The following MGAT2 variants were observed in gnomAD, a reference collection of about 807,000 sequenced individuals.
The protein encoded by MGAT2 is Beta-1,2-N-acetylglucosaminyltransferase II.
A neutral mutation model predicts 33.8 loss-of-function variants in MGAT2; 17 were observed. That is an observed-to-expected ratio of 0.50 (90% CI 0.34 to 0.76). MGAT2 has a LOEUF of 0.76. Ranked by LOEUF, MGAT2 falls within the 30% of genes least tolerant of loss-of-function variation. The pLI is 0.01. For missense variants in MGAT2, 529 were observed against 553.9 expected (o/e 0.96, Z 0.45); for synonymous variants, 248 against 226.7 (o/e 1.09, Z -0.84).
At position 49,622,655 on chromosome 14, in the gene MGAT2, T is replaced by C; in HGVS notation, c.*43T>C. 1 of 1,575,420 alleles carries C rather than the reference T, an allele frequency of 6.3e-7. No individual in the cohort carries two copies. The highest frequency in any genetic ancestry group is 8.6e-7 in the Non-Finnish European group (1 of 1,166,362). ...GCGACAGTCTTCTATTTTTGATATT[T>C]GTCCAAACAGGACATACAATTGAAT... is the stretch of plus-strand genomic sequence containing the variant. On this transcript the variant is annotated 3_prime_UTR_variant, in exon 1 of 1. Coordinates refer to ENST00000305386, the MANE Select transcript of MGAT2 (RefSeq NM_002408.4).
Position 49,620,871 on chromosome 14 carries a change from G to T in MGAT2, c.-398G>T. The T allele has an allele frequency of 1.5e-6, 1 of 687,196 alleles. No individual in the cohort carries two copies. The highest frequency in any genetic ancestry group is 2.6e-6 in the Non-Finnish European group (1 of 377,928). The allele number at this position is 687,196 out of a possible 1,614,324, so 42.6% of individuals were successfully genotyped here. A position where few individuals can be genotyped will look rare whatever the true frequency, so the allele number is the denominator to read the frequency against. ...GCGTCGCTCAGTTCTGGCCGTCTAG[G>T]GCCCCTGTAAGGATGAGAGCGCAGA... is the stretch of plus-strand genomic sequence containing the variant. On this transcript the variant is annotated 5_prime_UTR_variant, in exon 1 of 1. Transcript: ENST00000305386.
At position 49,620,857 on chromosome 14, in the gene MGAT2, T is replaced by G. The variant is rs1435710881; in HGVS notation, c.-412T>G. On this transcript the variant is annotated 5_prime_UTR_variant, in exon 1 of 1. Transcript: ENST00000305386. ...AGTGAGGCGAGGCCGCGTCGCTCAG[T>G]TCTGGCCGTCTAGGGCCCCTGTAAG... 1 of 672,338 alleles carries G rather than the reference T, an allele frequency of 1.5e-6. No individual in the cohort carries two copies. The highest frequency in any genetic ancestry group is 2.7e-6 in the Non-Finnish European group (1 of 370,896). The allele number at this position is 672,338 out of a possible 1,614,324, so 41.6% of individuals were successfully genotyped here. A position where few individuals can be genotyped will look rare whatever the true frequency, so the allele number is the denominator to read the frequency against.
In MGAT2 at chr14:49,622,860, TGA is replaced by T. The variant is rs1203143392; in HGVS notation, c.*253_*254del. ...CTGCTAAAATTGATTATTGTTGATA[TGA>T]GAGAAGAGGGGAAATTTTATTTAAA... On this transcript the variant is annotated 3_prime_UTR_variant, in exon 1 of 1. Coordinates refer to ENST00000305386, the MANE Select transcript of MGAT2 (RefSeq NM_002408.4). 1.5e-5 allele frequency: 5 copies of T among 330,090 alleles called. No individual in the cohort carries two copies. Among genetic ancestry groups the T allele is most frequent in the South Asian group, 1.1e-4 (1 of 8,950 alleles). The allele number at this position is 330,090 out of a possible 1,614,324, so 20.4% of individuals were successfully genotyped here. A position where few individuals can be genotyped will look rare whatever the true frequency, so the allele number is the denominator to read the frequency against.
At position 49,621,754 on chromosome 14, in the gene MGAT2, G is replaced by C; in HGVS notation, c.486G>C (p.Gln162His). ...ACTTCTGGTCGACCGAGATCAATCA[G>C]CTGATCGCCGGGGTGAATTTCTGTC... Reference protein sequence around the residue: ...SHDFWSTEINQLIAGVNFCPV... With the variant: ...SHDFWSTEINHLIAGVNFCPV... Residue 162 changes from glutamine (Q) to histidine (H), a missense_variant, in exon 1 of 1, where the codon CAG (glutamine) becomes CAC (histidine). By Grantham distance (24) the Gln-to-His change is conservative (BLOSUM62 0). This residue lies in a region of MGAT2 where 501 missense variants were observed against 501.1 expected (regional missense o/e 1.00). Coordinates refer to ENST00000305386, the MANE Select transcript of MGAT2 (RefSeq NM_002408.4). This position sits in a 1 kb window ranked among gnomAD's most constrained non-coding sequence, Gnocchi z 4.6. 1.2e-6 allele frequency: 2 copies of C among 1,614,194 alleles called. No individual in the cohort carries two copies. The highest frequency in any genetic ancestry group is 1.7e-6 in the Non-Finnish European group (2 of 1,180,036).
At position 49,622,860 on chromosome 14, in the gene MGAT2, T is replaced by G; in HGVS notation, c.*248T>G. On this transcript the variant is annotated 3_prime_UTR_variant, in exon 1 of 1. Transcript: ENST00000305386. The stretch of plus-strand genomic sequence containing the variant: ...CTGCTAAAATTGATTATTGTTGATA[T>G]GAGAGAAGAGGGGAAATTTTATTTA... 2 of 330,208 alleles carry G rather than the reference T, an allele frequency of 6.1e-6. No individual in the cohort carries two copies. Among genetic ancestry groups the G allele is most frequent in the Non-Finnish European group, 1.1e-5 (2 of 173,934 alleles). 20.5% of individuals were successfully genotyped at this position (330,208 alleles called of 1,614,324 possible).
chr14:49,622,217 C>G lies in MGAT2; in HGVS notation c.949C>G (p.His317Asp). The change falls in exon 1 of 1, where the codon CAC (histidine) becomes GAC (aspartate). Residue 317 changes from histidine to aspartate, a missense_variant. Coordinates refer to ENST00000305386, the MANE Select transcript of MGAT2 (RefSeq NM_002408.4). ...VDVKTWKSTE[H>D]NMGLALTRNA... ...TGTGAAAACTTGGAAATCCACAGAG[C>G]ACAATATGGGTCTAGCCTTGACCCG... The G allele has an allele frequency of 6.2e-7, 1 of 1,614,176 alleles. No individual in the cohort carries two copies. The highest frequency in any genetic ancestry group is 8.5e-7 in the Non-Finnish European group (1 of 1,180,038).
Position 49,622,726 on chromosome 14 carries a change from C to A in MGAT2, c.*114C>A. 2 of 1,082,492 alleles carry A rather than the reference C, an allele frequency of 1.8e-6. No homozygotes were observed. Among genetic ancestry groups the A allele is most frequent in the African/African-American group, 1.6e-5 (1 of 62,686 alleles). 67.1% of individuals were successfully genotyped at this position (1,082,492 alleles called of 1,614,324 possible). On this transcript the variant is annotated 3_prime_UTR_variant, in exon 1 of 1. Transcript: ENST00000305386. ...TTCTGCTTTAATACAAAAACAAAAT[C>A]TTGTAAAAGGTGTCCAAATACATAG...
In MGAT2 at chr14:49,621,113, AC is replaced by A; in HGVS notation, c.-151del. 3 of 1,087,336 alleles carry A rather than the reference AC, an allele frequency of 2.8e-6. No individual in the cohort carries two copies. The highest frequency in any genetic ancestry group is 1.6e-5 in the African/African-American group (1 of 63,794). The allele number at this position is 1,087,336 out of a possible 1,614,324, so 67.4% of individuals were successfully genotyped here. ...TAAATGAGAGGTCTCGGGCCCCAGG[AC>A]CCCCGGGGCCCGGGATGAGTTAGCG... On this transcript the variant is annotated 5_prime_UTR_variant, in exon 1 of 1. The change abolishes the stop of an existing upstream ORF in the 5' untranslated region. Transcript: ENST00000305386. The surrounding 1 kb of genome is among the most constrained non-coding windows in gnomAD (Gnocchi z 4.6).
In MGAT2 at chr14:49,621,619, G is replaced by A; in HGVS notation, c.351G>A (p.Glu117=). The A allele has an allele frequency of 1.2e-6, 2 of 1,614,132 alleles. No homozygotes were observed. Among genetic ancestry groups the A allele is most frequent in the South Asian group, 2.2e-5 (2 of 91,078 alleles). ...VDKAGTWAPR[E]LVLVVQVHNR... ...AGGCTGGCACCTGGGCCCCCCGGGA[G>A]CTGGTGCTGGTGGTCCAGGTGCATA... The change falls in exon 1 of 1, where the codon GAG becomes GAA. Residue 117 remains glutamate, a synonymous_variant. Transcript: ENST00000305386. The surrounding 1 kb of genome is among the most constrained non-coding windows in gnomAD (Gnocchi z 4.6).
chr14:49,621,638 G>T lies in MGAT2; in HGVS notation c.370G>T (p.Val124Leu). The part of the protein sequence containing the change: ...APRELVLVVQ[V>L]HNRPEYLRLL... ...CCGGGAGCTGGTGCTGGTGGTCCAG[G>T]TGCATAACCGGCCCGAATACCTCAG... Residue 124 changes from valine (V) to leucine (L), a missense_variant, in exon 1 of 1, where the codon GTG becomes TTG. By Grantham distance (32) the Val-to-Leu change is conservative. Around this residue, in one of 2 missense-constraint regions of MGAT2, gnomAD observed 501 missense variants for 501.1 expected, o/e 1.00. Transcript: ENST00000305386. This position sits in a 1 kb window ranked among gnomAD's most constrained non-coding sequence, Gnocchi z 4.6. 6.2e-7 allele frequency: 1 copy of T among 1,614,144 alleles called. No homozygotes were observed. The highest frequency in any genetic ancestry group is 8.5e-7 in the Non-Finnish European group (1 of 1,180,024).
At position 49,621,602 on chromosome 14, in the gene MGAT2, A is replaced by C; in HGVS notation, c.334A>C (p.Thr112Pro). Reference sequence around the variant, plus strand: ...CCTGAGGAATGTAGATAAGGCTGGCACCTGGGCCCCCCGGGAGCTGGTGCT... The same window carrying C: ...CCTGAGGAATGTAGATAAGGCTGGCCCCTGGGCCCCCCGGGAGCTGGTGCT... ...QTLRNVDKAG[T>P]WAPRELVLVV... The change falls in exon 1 of 1, where the codon ACC becomes CCC. Residue 112 changes from threonine (T) to proline (P), a missense_variant. Physicochemically the swap from Thr to Pro is conservative, Grantham distance 38. Coordinates refer to ENST00000305386, the MANE Select transcript of MGAT2 (RefSeq NM_002408.4). This position sits in a 1 kb window ranked among gnomAD's most constrained non-coding sequence, Gnocchi z 4.6. The C allele has an allele frequency of 6.2e-7, 1 of 1,613,760 alleles. No individual in the cohort carries two copies. Among genetic ancestry groups the C allele is most frequent in the Non-Finnish European group, 8.5e-7 (1 of 1,179,928 alleles).
At position 49,621,662 on chromosome 14, in the gene MGAT2, A is replaced by G; in HGVS notation, c.394A>G (p.Arg132Gly). 6.2e-7 allele frequency: 1 copy of G among 1,614,132 alleles called. No individual in the cohort carries two copies. Among genetic ancestry groups the G allele is most frequent in the Non-Finnish European group, 8.5e-7 (1 of 1,180,008 alleles). The change falls in exon 1 of 1, where the codon AGA becomes GGA. Residue 132 changes from arginine to glycine, a missense_variant. Arg to Gly is a moderately radical substitution (Grantham distance 125). Around this residue, in one of 2 missense-constraint regions of MGAT2, gnomAD observed 501 missense variants for 501.1 expected, o/e 1.00. Coordinates refer to ENST00000305386, the MANE Select transcript of MGAT2 (RefSeq NM_002408.4). The surrounding 1 kb of genome is among the most constrained non-coding windows in gnomAD (Gnocchi z 4.6). ...VQVHNRPEYL[R>G]LLLDSLRKAQ... ...GGTGCATAACCGGCCCGAATACCTC[A>G]GACTGCTGCTGGACTCACTTCGAAA...
At position 49,622,096 on chromosome 14, in the gene MGAT2, G is replaced by A. The variant is rs1253874409; in HGVS notation, c.828G>A (p.Trp276Ter). The change falls in exon 1 of 1, where the codon TGG becomes TGA. Residue 276 changes from tryptophan to a stop codon, truncating the protein, a stop_gained. Coordinates refer to ENST00000305386, the MANE Select transcript of MGAT2 (RefSeq NM_002408.4). LOFTEE classifies it high-confidence loss of function. ...TTTACCATGTCTTCAAAAAGATGTG[G>A]AAACTGAAGCAGCAAGAGTGCCCTG... ...PDFYHVFKKM[W>*]KLKQQECPEC... is the part of the protein sequence containing the mutation. 1 of 1,614,232 alleles carries A rather than the reference G, an allele frequency of 6.2e-7. No homozygotes were observed.
chr14:49,621,410 C>A lies in MGAT2; in HGVS notation c.142C>A (p.Arg48=). 6.2e-7 allele frequency: 1 copy of A among 1,608,036 alleles called. No homozygotes were observed. The highest frequency in any genetic ancestry group is 8.5e-7 in the Non-Finnish European group (1 of 1,176,656). ...APPLLDAEPA[R]GAGGRGGDHP... ...ACCGTTGCTGGACGCCGAACCCGCG[C>A]GGGGTGCCGGCGGCCGCGGTGGGGA... The change falls in exon 1 of 1, where the codon CGG becomes AGG. Residue 48 remains arginine (R), a synonymous_variant. Transcript: ENST00000305386. This position sits in a 1 kb window ranked among gnomAD's most constrained non-coding sequence, Gnocchi z 4.6.
chr14:49,621,514 C>G lies in MGAT2; in HGVS notation c.246C>G (p.Pro82=), dbSNP rs1882849924. The G allele has an allele frequency of 1.2e-6, 2 of 1,612,244 alleles. No individual in the cohort carries two copies. Among genetic ancestry groups the G allele is most frequent in the South Asian group, 2.2e-5 (2 of 91,072 alleles). The change falls in exon 1 of 1, where the codon CCC becomes CCG. Residue 82 remains proline (P), a synonymous_variant. Coordinates refer to ENST00000305386, the MANE Select transcript of MGAT2 (RefSeq NM_002408.4). This position sits in a 1 kb window ranked among gnomAD's most constrained non-coding sequence, Gnocchi z 4.6. ...AASLVPAVPQ[P]EADNLTLRYR... ...CCCTGGTCCCGGCGGTCCCCCAGCC[C>G]GAGGCGGACAACCTGACGCTGCGGT...
In MGAT2 at chr14:49,622,445, G is replaced by A; in HGVS notation, c.1177G>A (p.Ala393Thr). 9 of 1,613,850 alleles carry A rather than the reference G, an allele frequency of 5.6e-6. No individual in the cohort carries two copies. The highest frequency in any genetic ancestry group is 7.6e-6 in the Non-Finnish European group (9 of 1,179,924). The change falls in exon 1 of 1, where the codon GCC becomes ACC. Residue 393 changes from alanine to threonine, a missense_variant. By Grantham distance (58) the Ala-to-Thr change is moderately conservative. Coordinates refer to ENST00000305386, the MANE Select transcript of MGAT2 (RefSeq NM_002408.4). ...AACCTGTAGACCATCCACTCAGAGT[G>A]CCCAAATTGAGTCACTCTTAAATAA... Reference protein sequence around the residue: ...KKTCRPSTQSAQIESLLNNNK... With the variant: ...KKTCRPSTQSTQIESLLNNNK...
rs111486860 is a variant in MGAT2, at chr14:49,622,291, T to C, written c.1023T>C (p.Tyr341=). ...LIECTDTFCT[Y]DDYNWDWTLQ... ...AGTGCACAGACACTTTCTGTACTTATGATGATTATAACTGGGACTGGACTC... is the reference window on the plus strand; with the variant it reads ...AGTGCACAGACACTTTCTGTACTTACGATGATTATAACTGGGACTGGACTC... Residue 341 remains tyrosine, a synonymous_variant, in exon 1 of 1, where the codon TAT becomes TAC. Transcript: ENST00000305386. The C allele has an allele frequency of 3.3e-4, 532 of 1,614,156 alleles. 2 individuals are homozygous for C. In the African/African-American group the frequency reaches 4.8e-3, roughly 14 times the overall value.
Position 49,622,556 on chromosome 14 carries a change from G to C in MGAT2, c.1288G>C (p.Gly430Arg), listed in dbSNP as rs1236926817. Reference sequence around the variant, plus strand: ...CATTTCCCCACCTAGAAAAAATGGAGGGTGGGGAGATATTAGGGACCATGA... The same window carrying C: ...CATTTCCCCACCTAGAAAAAATGGACGGTGGGGAGATATTAGGGACCATGA... ...VAISPPRKNG[G>R]WGDIRDHELC... is the part of the protein sequence containing the mutation. The change falls in exon 1 of 1, where the codon GGG becomes CGG. Residue 430 changes from glycine to arginine, a missense_variant. This residue lies in a region of MGAT2 where 28 missense variants were observed against 52.8 expected (regional missense o/e 0.53). Transcript: ENST00000305386. The C allele has an allele frequency of 6.3e-7, 1 of 1,589,694 alleles. No individual in the cohort carries two copies. Among genetic ancestry groups the C allele is most frequent in the African/African-American group, 1.4e-5 (1 of 73,308 alleles).
At position 49,620,861 on chromosome 14, in the gene MGAT2, G is replaced by A; in HGVS notation, c.-408G>A. 1.5e-6 allele frequency: 1 copy of A among 675,040 alleles called. No homozygotes were observed. Among genetic ancestry groups the A allele is most frequent in the Non-Finnish European group, 2.7e-6 (1 of 372,218 alleles). 41.8% of individuals were successfully genotyped at this position (675,040 alleles called of 1,614,324 possible). ...AGGCGAGGCCGCGTCGCTCAGTTCT[G>A]GCCGTCTAGGGCCCCTGTAAGGATG... On this transcript the variant is annotated 5_prime_UTR_variant, in exon 1 of 1. Coordinates refer to ENST00000305386, the MANE Select transcript of MGAT2 (RefSeq NM_002408.4).
Sources: allele counts gnomAD v4.1 joint callset, GRCh38; gene constraint gnomAD v4.1.1; regional missense constraint gnomAD v4.1.1; non-coding constraint Gnocchi (gnomAD v3.1); transcripts MANE v1.5; gene names NCBI Gene and HGNC (gene_info 2026-07-23, HGNC 2026-07-21).